Variants in MAP4K5 observed in about 807,000 individuals in gnomAD.
MAP4K5 encodes the protein MAPK/ERK kinase kinase kinase 5.
MAP4K5 carries 82 observed loss-of-function variants against 135.6 expected under a neutral mutation model. The observed-to-expected ratio is 0.60, with a 90% CI of 0.51 to 0.73. The LOEUF (loss-of-function observed/expected upper bound fraction) is 0.73, where lower values mean the gene tolerates loss of function less well. MAP4K5 is among the 30% of genes least tolerant of loss of function. The pLI is 0.00. For missense variants in MAP4K5, 907 were observed against 1,010.9 expected (o/e 0.90, Z 1.39); for synonymous variants, 347 against 335.0 (o/e 1.04, Z -0.39).
chr14:50,539,088 G>A (rs928784564), intron 2 of MAP4K5, among the ~76,000 whole-genome samples: 4 of 152,206 alleles, frequency 2.6e-5, no homozygotes, highest in African/African-American at 9.7e-5. Flanking sequence ...TCTCAGAAAA[G>A]AGACTCTCAA....
At chr14:50,447,525 G>T (rs746462499) in intron 15 of MAP4K5, 44 bp from the exon 16 acceptor site, 5 of 1,047,074 alleles carry the variant, frequency 4.8e-6, no homozygotes, top group Middle Eastern at 2.2e-4. Context: ...TTTGTAACAG[G>T]TATTAACCAT....
intron 5 of MAP4K5, 43 bp downstream of exon 5, chr14:50,485,534 TA>T (rs1285812948): frequency 1.6e-6 from 2 of 1,275,256 alleles, no homozygotes; most frequent in Non-Finnish European, 2.2e-6. Flanking sequence ...CAACAATCAT[TA>T]AAACCAAAGT....
upstream of MAP4K5, among the ~76,000 whole-genome samples, chr14:50,536,699 C>G: frequency 6.6e-6 from 1 of 152,184 alleles, no homozygotes; most frequent in Non-Finnish European, 1.5e-5. Context: ...CTTGTTGGAA[C>G]TGGAGCAAAG....
At chr14:50,462,385 G>A (rs1436413633) in intron 13 of MAP4K5, among the ~76,000 whole-genome samples, 1 of 152,054 alleles carries the variant, frequency 6.6e-6, no homozygotes, top group African/African-American at 2.4e-5. Context: ...CAAAACTTCA[G>A]GCTAACCAAA....
intron 3 of MAP4K5, among the ~76,000 whole-genome samples, chr14:50,489,115 G>T (rs1018331574): frequency 2.6e-5 from 4 of 152,250 alleles, no homozygotes; most frequent in African/African-American, 9.6e-5. Context: ...AATCCACTAG[G>T]TTCAGAGAAC....
chr14:50,483,062 A>C (rs1308381838), intron 5 of MAP4K5: 1 of 152,250 alleles, frequency 6.6e-6, no homozygotes, highest in African/African-American at 2.4e-5. Context: ...ATTTTTCAAA[A>C]ATAAAGAAAT....
chr14:50,466,918 A>G (rs1387938409), intron 10 of MAP4K5, among the ~76,000 whole-genome samples: 1 of 152,204 alleles, frequency 6.6e-6, no homozygotes, highest in Non-Finnish European at 1.5e-5. Flanking sequence ...ATACTGTTAC[A>G]TATGTAACTA....
At position 50,448,899 on chromosome 14, in the gene MAP4K5, A is replaced by C. The variant is rs1223845635; in HGVS notation, c.1016-67T>G. On this transcript the variant is annotated intron_variant, in intron 14 of 32. Coordinates refer to ENST00000682126, the MANE Select transcript of MAP4K5 (RefSeq NM_006575.6). The stretch of plus-strand genomic sequence containing the variant: ...AAGGGTTGATCTCAGAAATGTAATG[A>C]CAAGTTTGTATATGGGGTGGGGGAG... The C allele has an allele frequency of 1.1e-5, 9 of 795,252 alleles. No homozygotes were observed. The Admixed American group carries it at 2.1e-4, about 19-fold the overall frequency. The allele number at this position is 795,252 out of a possible 1,614,324, so 49.3% of individuals were successfully genotyped here. A position where few individuals can be genotyped will look rare whatever the true frequency, so the allele number is the denominator to read the frequency against.
At chr14:50,483,444 A>G (rs1306001903) in intron 5 of MAP4K5, among the ~76,000 whole-genome samples, 1 of 152,124 alleles carries the variant, frequency 6.6e-6, no homozygotes, top group Non-Finnish European at 1.5e-5. Context: ...TCTACCGCGT[A>G]TTTTAATCAC....
At chr14:50,520,833 T>C (rs2038134643) in intron 2 of MAP4K5, among the ~76,000 whole-genome samples, 1 of 150,334 alleles carries the variant, frequency 6.7e-6, no homozygotes, top group Non-Finnish European at 1.5e-5. Flanking sequence ...TTTTTTTTTT[T>C]TTTTTTGAGA....
intron 2 of MAP4K5, among the ~76,000 whole-genome samples, chr14:50,519,919 A>T (rs2038112474): frequency 6.6e-6 from 1 of 152,198 alleles, no homozygotes; most frequent in Non-Finnish European, 1.5e-5. Flanking sequence ...GAAAATGCAA[A>T]ACTAGTTCCT....
In MAP4K5 at chr14:50,504,872, A is replaced by C. The variant is rs2037777434; in HGVS notation, c.109-15T>G. ...ACATTTCTGGCCTAAAAATAAAATAAAAACAAAAATCTTGTTAATTAAAAG... is the reference window on the plus strand; with the variant it reads ...ACATTTCTGGCCTAAAAATAAAATACAAACAAAAATCTTGTTAATTAAAAG... On this transcript the variant is annotated splice_polypyrimidine_tract_variant and intron_variant, in intron 2 of 32. Coordinates refer to ENST00000682126, the MANE Select transcript of MAP4K5 (RefSeq NM_006575.6). The C allele has an allele frequency of 6.6e-7, 1 of 1,515,840 alleles. No individual in the cohort carries two copies. The highest frequency in any genetic ancestry group is 2.2e-5 in the Admixed American group (1 of 44,804). 93.9% of individuals were successfully genotyped at this position (1,515,840 alleles called of 1,614,324 possible).
rs769040957 is a variant in MAP4K5 at position 50,560,224 on chromosome 14, G to A, written c.-180+816C>T. ...CCTGCGGCCCCGGAGAAGGCAGCGA[G>A]CGCAGTGACAGCGCCTCACCGCCAC... On this transcript the variant is annotated intron_variant, in intron 1 of 8. Transcript: ENST00000555216. 2.4e-5 allele frequency: 39 copies of A among 1,611,938 alleles called. No individual in the cohort carries two copies. The East Asian group carries it at 2.9e-4, about 12-fold the overall frequency.
chr14:50,482,686 A>G (rs1234007222), intron 5 of MAP4K5: 1 of 256,102 alleles, frequency 3.9e-6, no homozygotes, highest in South Asian at 5.9e-5. Flanking sequence ...CTGAGGCAGG[A>G]GAATTGCTTG....
rs760893931 is a variant in MAP4K5 at position 50,434,353 on chromosome 14, C to G, written c.2164+41G>C. 16 of 1,510,152 alleles carry G rather than the reference C, an allele frequency of 1.1e-5. No homozygotes were observed. The Admixed American group carries it at 1.9e-4, about 18-fold the overall frequency. The allele number at this position is 1,510,152 out of a possible 1,614,324, so 93.5% of individuals were successfully genotyped here. ...GGTGGTGTTTTGCTTCTTTTATAGG[C>G]AAAAATATCAATATTCTAACATAAG... On this transcript the variant is annotated intron_variant, in intron 28 of 32. Transcript: ENST00000682126.
chr14:50,505,304 T>C (rs1275954650), intron 2 of MAP4K5, among the ~76,000 whole-genome samples: 1 of 152,154 alleles, frequency 6.6e-6, no homozygotes, highest in East Asian at 1.9e-4. Flanking sequence ...TATATGCATG[T>C]GCATTATGGA....
chr14:50,505,085 T>C (rs1006504272), intron 2 of MAP4K5: 7 of 366,036 alleles, frequency 1.9e-5, no homozygotes, highest in Admixed American at 1.9e-4. Context: ...CAAAAACAGC[T>C]CCTGTTTAAA....
intron 1 of MAP4K5, among the ~76,000 whole-genome samples, chr14:50,553,442 TA>T (rs547797971): frequency 2.0e-5 from 3 of 150,594 alleles, no homozygotes; most frequent in African/African-American, 7.3e-5. Flanking sequence ...ATTTAAAAAT[TA>T]AAAAAAAATA....
Position 50,531,945 on chromosome 14 carries a change from A to C in MAP4K5, c.105T>G (p.Tyr35Ter). The change falls in exon 2 of 33, where the codon TAT (tyrosine) becomes TAG (stop). Residue 35 changes from tyrosine to a stop codon, truncating the protein, a stop_gained. Coordinates refer to ENST00000682126, the MANE Select transcript of MAP4K5 (RefSeq NM_006575.6). LOFTEE classifies it high-confidence loss of function. ...RVGSGTYGDV[Y>*]KARNVHTGEL... The stretch of plus-strand genomic sequence containing the variant: ...AAGCACGGCCAGCCTCACTTACCTT[A>C]TAGACGTCCCCGTAGGTGCCGCTGC... The C allele has an allele frequency of 6.3e-7, 1 of 1,594,176 alleles. No homozygotes were observed. Among genetic ancestry groups the C allele is most frequent in the Non-Finnish European group, 8.6e-7 (1 of 1,169,512 alleles).
Sources: gnomAD v4.1 joint callset for allele counts (sites outside exome capture counted in the v4.1 genomes callset) on GRCh38, gnomAD v4.1.1 for gene constraint, MANE v1.5 for transcripts, NCBI Gene and HGNC (gene_info 2026-07-23, HGNC 2026-07-21) for gene names.